The following SARNP variants were observed in gnomAD, a reference collection of about 807,000 sequenced individuals.
SARNP encodes the protein SAP domain containing ribonucleoprotein.
SARNP carries 5 observed loss-of-function variants against 38.1 expected under a neutral mutation model. The observed-to-expected ratio is 0.13, with a 90% confidence interval of 0.07 to 0.28. SARNP has a LOEUF of 0.28. SARNP is among the 10% of genes least tolerant of loss of function. SARNP has a pLI of 1.00. For missense variants in SARNP, 180 were observed against 243.9 expected, an observed-to-expected ratio of 0.74 and a Z score of 1.75; for synonymous variants, 84 against 80.6, an observed-to-expected ratio of 1.04 and a Z score of -0.23.
chr12:55,780,363 A>AGGGG (rs1879306290), intron 9 of SARNP, among the ~76,000 whole-genome samples: 3 of 152,124 alleles, frequency 2.0e-5, no homozygotes, highest in African/African-American at 4.8e-5. Context: ...CTGAGGCAGG[A>AGGGG]GAATTGCTTG....
chr12:55,812,612 T>C (rs1330360686), intron 1 of SARNP, among the ~76,000 whole-genome samples: 5 of 152,232 alleles, frequency 3.3e-5, no homozygotes, highest in Admixed American at 6.5e-5. Flanking sequence ...CAAAATGAAC[T>C]TACCTCTTCT....
chr12:55,807,223 G>T (rs1880174254), intron 1 of SARNP, among the ~76,000 whole-genome samples: 1 of 152,162 alleles, frequency 6.6e-6, no homozygotes, highest in Admixed American at 6.5e-5. Context: ...ATATAGCAGT[G>T]ACATCAAACT....
At chr12:55,763,291 C>T (rs1403245111) in intron 9 of SARNP, among the ~76,000 whole-genome samples, 1 of 151,208 alleles carries the variant, frequency 6.6e-6, no homozygotes, top group East Asian at 1.9e-4. Context: ...TTTACACATG[C>T]AATATCTCAT....
At chr12:55,801,318 C>T (rs2136201304) in intron 2 of SARNP, among the ~76,000 whole-genome samples, 1 of 152,122 alleles carries the variant, frequency 6.6e-6, no homozygotes, top group Middle Eastern at 3.4e-3. Flanking sequence ...GGGTGTGCGC[C>T]TATAGTCTTA....
At chr12:55,755,751 A>C (rs2136172454), downstream of SARNP, 1 of 152,154 alleles carries the variant, frequency 6.6e-6, no homozygotes, top group Middle Eastern at 3.4e-3. Flanking sequence ...TCTGACCAAC[A>C]TAGGAACAGC....
At position 55,800,565 on chromosome 12, in the gene SARNP, T is replaced by G; in HGVS notation, c.248A>C (p.Asp83Ala). The G allele has an allele frequency of 6.2e-7, 1 of 1,603,272 alleles. No individual in the cohort carries two copies. The highest frequency in any genetic ancestry group is 8.5e-7 in the Non-Finnish European group (1 of 1,171,936). The change falls in exon 4 of 11, where the codon GAT becomes GCT. Residue 83 changes from aspartate to alanine, a missense_variant. Asp to Ala is a moderately radical substitution (Grantham distance 126, BLOSUM62 -2). This residue lies in a region of SARNP where 161 missense variants were observed against 194.1 expected (regional missense o/e 0.83). Coordinates refer to ENST00000336133, the MANE Select transcript of SARNP (RefSeq NM_033082.4). The part of the protein sequence containing the change: ...KEEEPPEKTV[D>A]VAAEKKVVKI... The stretch of plus-strand genomic sequence containing the variant: ...ATTATAAAAAAGGGATAATTACACA[T>G]CAACAGTTTTTTCAGGGGGTTCTTC...
chr12:55,779,281 C>T (rs1288328841), intron 9 of SARNP, among the ~76,000 whole-genome samples: 3 of 152,164 alleles, frequency 2.0e-5, no homozygotes, highest in Non-Finnish European at 2.9e-5. Context: ...CCCAAAAGCT[C>T]TTGATCAGTG....
chr12:55,776,063 C>A (rs1879172468), intron 9 of SARNP, among the ~76,000 whole-genome samples: 1 of 152,080 alleles, frequency 6.6e-6, no homozygotes, highest in Admixed American at 6.6e-5. Context: ...TACAGTTGTC[C>A]CTCAGTATCC....
intron 9 of SARNP, among the ~76,000 whole-genome samples, chr12:55,766,284 T>C (rs550156690): frequency 6.6e-6 from 1 of 152,288 alleles, no homozygotes; most frequent in South Asian, 2.1e-4. Flanking sequence ...AGTGCCCTTA[T>C]TTCCTATCAA....
intron 9 of SARNP, among the ~76,000 whole-genome samples, chr12:55,784,715 A>G (rs911333027): frequency 6.6e-6 from 1 of 152,262 alleles, no homozygotes; most frequent in Non-Finnish European, 1.5e-5. Context: ...TATGGTAGCC[A>G]CTAGCCACAA....
chr12:55,757,585 G>A, intron 10 of SARNP, 32 bp from the exon 11 acceptor site: 1 of 1,587,038 alleles, frequency 6.3e-7, no homozygotes, highest in Non-Finnish European at 8.6e-7. Context: ...AAAAAAATTA[G>A]ACTGAAGACA....
chr12:55,758,489 A>G (rs1878580412), intron 10 of SARNP, among the ~76,000 whole-genome samples: 1 of 152,116 alleles, frequency 6.6e-6, no homozygotes, highest in African/African-American at 2.4e-5. Flanking sequence ...TACTAAAAAC[A>G]CAAAAATTAG....
chr12:55,810,704 C>T (rs1215557561), intron 1 of SARNP, among the ~76,000 whole-genome samples: 2 of 151,722 alleles, frequency 1.3e-5, no homozygotes, highest in African/African-American at 4.8e-5. Context: ...CTTCCCGCCT[C>T]GGCCTCTCAA....
intron 8 of SARNP, among the ~76,000 whole-genome samples, chr12:55,789,659 TAGGGCCAGGCGCGGTGGCTCACGCCTGTA>T (rs1301819922): frequency 6.6e-6 from 1 of 152,124 alleles, no homozygotes; most frequent in Non-Finnish European, 1.5e-5. Flanking sequence ...AAGAATTATT[TAGGGCCAGGCGCGGTGGCTCACGCCTGTA>T]ATCCTAGAAG....
chr12:55,758,577 G>A lies in SARNP; in HGVS notation c.592-1024C>T, dbSNP rs567573351. On this transcript the variant is annotated intron_variant, in intron 10 of 10. Coordinates refer to ENST00000336133, the MANE Select transcript of SARNP (RefSeq NM_033082.4). ...CAATAATCACTTGAACCCGGGAGGC[G>A]GAGGTTGCAGTGAGCTGAGATCGCA... Among the ~76,000 whole-genome samples the A allele has an allele frequency of 8.4e-4, 128 of 152,172 alleles. No individual in the cohort carries two copies. In the Middle Eastern group the frequency reaches 0.014, roughly 16 times the overall value.
chr12:55,797,452 G>C (rs1879853552), intron 4 of SARNP, among the ~76,000 whole-genome samples: 2 of 152,180 alleles, frequency 1.3e-5, no homozygotes, highest in Admixed American at 6.5e-5. Flanking sequence ...GACGTTTAAA[G>C]AAATTTCTAA....
rs1879638962 is a variant in SARNP, at chr12:55,790,632, G to A, written c.407-40C>T. On this transcript the variant is annotated intron_variant, in intron 7 of 10. Transcript: ENST00000336133. ...AAAGTTTTATTTAATATTTTTAAAAGTCATCAAAGCCAACAGTCTTCAAGT... is the reference window on the plus strand; with the variant it reads ...AAAGTTTTATTTAATATTTTTAAAAATCATCAAAGCCAACAGTCTTCAAGT... 2.1e-6 allele frequency: 3 copies of A among 1,454,148 alleles called. No homozygotes were observed. In the African/African-American group the frequency reaches 4.3e-5, roughly 21 times the overall value. The allele number at this position is 1,454,148 out of a possible 1,614,324, so 90.1% of individuals were successfully genotyped here.
downstream of SARNP, chr12:55,754,887 T>C (rs1878456052): frequency 6.6e-6 from 1 of 152,182 alleles, no homozygotes; most frequent in African/African-American, 2.4e-5. Context: ...CTAAACAATA[T>C]TACATTCTAA....
intron 9 of SARNP, among the ~76,000 whole-genome samples, chr12:55,780,519 G>A (rs1397396673): frequency 6.6e-6 from 1 of 151,416 alleles, no homozygotes; most frequent in South Asian, 2.1e-4. Flanking sequence ...AAGAAAGAAA[G>A]ATTAGCTGGG....
Sources: gnomAD v4.1 joint callset for allele counts (sites outside exome capture counted in the v4.1 genomes callset) on GRCh38, gnomAD v4.1.1 for gene constraint, gnomAD v4.1.1 regional missense constraint, MANE v1.5 for transcripts, NCBI Gene and HGNC (gene_info 2026-07-23, HGNC 2026-07-21) for gene names.